PVALEF: variants seen among roughly 807,000 people sequenced by gnomAD.
PVALEF encodes the protein parvalbumin like EF-hand containing.
A neutral mutation model predicts 1.2 loss-of-function variants in PVALEF; 2 were observed. That is an observed-to-expected ratio of 1.68 (90% CI 0.69 to 5.28). The LOEUF (loss-of-function observed/expected upper bound fraction) is 5.28. Among genes scored for constraint, PVALEF ranks in the 30% most tolerant of loss-of-function variants. The pLI, the probability that PVALEF is intolerant of heterozygous loss-of-function variation, is 0.06. For missense variants in PVALEF, 35 were observed against 17.7 expected, an observed-to-expected ratio of 1.97 and a Z score of -1.75; for synonymous variants, 16 against 6.5, an observed-to-expected ratio of 2.47 and a Z score of -2.24.
chr17:81,166,691 GGCAGCCGC>G lies in PVALEF; in HGVS notation c.-492_-485del. 2 of 454,090 alleles carry G rather than the reference GGCAGCCGC, an allele frequency of 4.4e-6. No homozygotes were observed. The highest frequency in any genetic ancestry group is 8.8e-6 in the Non-Finnish European group (2 of 226,666). 28.1% of individuals were successfully genotyped at this position (454,090 alleles called of 1,614,324 possible). ...CTCACTTGCAGGTTTCGAGGCGGCT[GGCAGCCGC>G]CCCCCCACCCCATGCCCTTTGGGTG... On this transcript the variant is annotated 5_prime_UTR_variant, in exon 2 of 7. It introduces an in-frame stop codon into an upstream open reading frame of the 5' UTR. Transcript: ENST00000637878.
rs974273981 is a variant in PVALEF at position 81,182,071 on chromosome 17, C to A, written c.348C>A (p.Ile116=). 2.5e-6 allele frequency: 1 copy of A among 398,704 alleles called. No homozygotes were observed. The highest frequency in any genetic ancestry group is 4.4e-6 in the Non-Finnish European group (1 of 226,124). The allele number at this position is 398,704 out of a possible 1,614,324, so 24.7% of individuals were successfully genotyped here. ...CAGACACACACGGGGACGGGAGGATCAACTACGAAGGTGGGGGCAGCACAG... is the reference window on the plus strand; with the variant it reads ...CAGACACACACGGGGACGGGAGGATAAACTACGAAGGTGGGGGCAGCACAG... ...QAADTHGDGR[I]NYEEFSELIK... Residue 116 remains isoleucine, a synonymous_variant, in exon 6 of 7, where the codon ATC becomes ATA. Transcript: ENST00000637878.
rs779189586 is a variant in PVALEF, at chr17:81,179,071, G to A, written c.-186G>A. ...GCCCCGAGATGTAAACAGGCTTGCA[G>A]GTATAAAAGCTGGAGCCCCTGGGCC... On this transcript the variant is annotated 5_prime_UTR_variant, in exon 3 of 7. Transcript: ENST00000637878. 2.2e-6 allele frequency: 1 copy of A among 454,978 alleles called. No individual in the cohort carries two copies. Among genetic ancestry groups the A allele is most frequent in the South Asian group, 1.6e-5 (1 of 64,316 alleles). 28.2% of individuals were successfully genotyped at this position (454,978 alleles called of 1,614,324 possible).
chr17:81,180,995 C>T (rs1027449461), intron 3 of PVALEF, 128 bp from the exon 4 acceptor site: 8 of 498,742 alleles, frequency 1.6e-5, no homozygotes, highest in Non-Finnish European at 2.9e-5. Flanking sequence ...CACAGGATGG[C>T]CCGGCCCCTC....
At chr17:81,168,612 T>G (rs1555604668) in intron 2 of PVALEF, among the ~76,000 whole-genome samples, 3 of 152,036 alleles carry the variant, frequency 2.0e-5, no homozygotes, top group Non-Finnish European at 4.4e-5. Flanking sequence ...TCCCCCGGCC[T>G]GGGGGAAGGC....
At chr17:81,181,456 G>T (rs547889989) in intron 4 of PVALEF, 103 bp from the exon 5 acceptor site, 12 of 515,496 alleles carry the variant, frequency 2.3e-5, no homozygotes, top group Non-Finnish European at 4.1e-5. Context: ...GCGGGGACAT[G>T]GGGGTGCAGG....
chr17:81,174,772 AC>A (rs1008978902), intron 2 of PVALEF, among the ~76,000 whole-genome samples: 1 of 151,914 alleles, frequency 6.6e-6, no homozygotes, highest in African/African-American at 2.4e-5. Flanking sequence ...ACACAGTGAA[AC>A]CCTGTCTCTA....
rs889885789 is a variant in PVALEF at position 81,165,630 on chromosome 17, C to G, written c.-625C>G. The stretch of plus-strand genomic sequence containing the variant: ...ACCCCCAAGGGCCCTTAGTCTGAGA[C>G]CAACTCTCCTGGACACCAGGGGCCC... On this transcript the variant is annotated 5_prime_UTR_variant, in exon 1 of 7. Coordinates refer to ENST00000637878, the MANE Select transcript of PVALEF (RefSeq NM_001354639.2). The G allele has an allele frequency of 6.8e-7, 1 of 1,460,550 alleles. No individual in the cohort carries two copies. The highest frequency in any genetic ancestry group is 1.4e-5 in the African/African-American group (1 of 71,146). 90.5% of individuals were successfully genotyped at this position (1,460,550 alleles called of 1,614,324 possible).
At chr17:81,168,929 A>T (rs999813663) in intron 2 of PVALEF, among the ~76,000 whole-genome samples, 7 of 152,232 alleles carry the variant, frequency 4.6e-5, no homozygotes, top group Non-Finnish European at 1.0e-4. Flanking sequence ...ATACGATGCA[A>T]TGGTATTGGT....
At chr17:81,177,409 G>A (rs1487832564) in intron 2 of PVALEF, among the ~76,000 whole-genome samples, 4 of 151,876 alleles carry the variant, frequency 2.6e-5, no homozygotes, top group East Asian at 2.0e-4. Context: ...TTAGCCGGGC[G>A]TGGCGGCATG....
intron 3 of PVALEF, among the ~76,000 whole-genome samples, chr17:81,179,502 C>T (rs2061546524): frequency 6.6e-6 from 1 of 152,192 alleles, no homozygotes; most frequent in East Asian, 1.9e-4. Flanking sequence ...GACCTGCTCA[C>T]TCTGTCCCTA....
In PVALEF at chr17:81,165,627, A is replaced by C. The variant is rs772532733; in HGVS notation, c.-628A>C. The C allele has an allele frequency of 2.7e-6, 4 of 1,456,042 alleles. No homozygotes were observed. The highest frequency in any genetic ancestry group is 2.9e-5 in the East Asian group (1 of 34,256). The allele number at this position is 1,456,042 out of a possible 1,614,324, so 90.2% of individuals were successfully genotyped here. A position where few individuals can be genotyped will look rare whatever the true frequency, so the allele number is the denominator to read the frequency against. ...CACACCCCCAAGGGCCCTTAGTCTG[A>C]GACCAACTCTCCTGGACACCAGGGG... is the stretch of plus-strand genomic sequence containing the variant. On this transcript the variant is annotated 5_prime_UTR_variant, in exon 1 of 7. Coordinates refer to ENST00000637878, the MANE Select transcript of PVALEF (RefSeq NM_001354639.2).
In PVALEF at chr17:81,169,291, T is replaced by C. The variant is rs1598246015; in HGVS notation, c.-340+2447T>C. Among the ~76,000 whole-genome samples, 3 of 152,276 alleles carry C rather than the reference T, an allele frequency of 2.0e-5. No individual in the cohort carries two copies. The East Asian group carries it at 5.8e-4, about 29-fold the overall frequency. On this transcript the variant is annotated intron_variant, in intron 2 of 6. Transcript: ENST00000637878. ...AACTTCATGGCATGTGACTTATATC[T>C]CAATAAAATTGTTAAAAACAGTAAT...
At chr17:81,172,278 A>C (rs2061523227) in intron 2 of PVALEF, among the ~76,000 whole-genome samples, 1 of 152,232 alleles carries the variant, frequency 6.6e-6, no homozygotes, top group South Asian at 2.1e-4. Context: ...AACCCCACAC[A>C]GTGGGAAAGC....
At position 81,171,180 on chromosome 17, in the gene PVALEF, T is replaced by C. The variant is rs1218354507; in HGVS notation, c.-340+4336T>C. ...GGCCCTTCCAGGCCGGCGTAGCCCA[T>C]AGTCGGGGCCAGTGACCTGGGGGCA... On this transcript the variant is annotated intron_variant, in intron 2 of 6. Coordinates refer to ENST00000637878, the MANE Select transcript of PVALEF (RefSeq NM_001354639.2). Among the ~76,000 whole-genome samples the C allele has an allele frequency of 5.9e-5, 9 of 152,112 alleles. No individual in the cohort carries two copies. The East Asian group carries it at 1.3e-3, about 23-fold the overall frequency.
chr17:81,181,173 C>A lies in PVALEF; in HGVS notation c.-54C>A, dbSNP rs147623845. The A allele has an allele frequency of 1.0e-3, 714 of 700,290 alleles. 2 individuals are homozygous for A. The highest frequency in any genetic ancestry group is 1.5e-3 in the Non-Finnish European group (571 of 383,472). 43.4% of individuals were successfully genotyped at this position (700,290 alleles called of 1,614,324 possible). On this transcript the variant is annotated 5_prime_UTR_variant, in exon 4 of 7. Coordinates refer to ENST00000637878, the MANE Select transcript of PVALEF (RefSeq NM_001354639.2). ...ACGTCTGCTCTGGCCCAAGCAGCACCCCCAATCCGTGCGTGCACCCCACGA... is the reference window on the plus strand; with the variant it reads ...ACGTCTGCTCTGGCCCAAGCAGCACACCCAATCCGTGCGTGCACCCCACGA...
chr17:81,165,869 G>T, intron 1 of PVALEF, 122 bp downstream of exon 1: 2 of 1,536,446 alleles, frequency 1.3e-6, no homozygotes, highest in Admixed American at 4.1e-5. Context: ...GGGAGCCGTG[G>T]GGCCCAGGGG....
intron 1 of PVALEF, among the ~76,000 whole-genome samples, chr17:81,166,398 AG>A (rs1369840853): frequency 1.2e-4 from 6 of 50,864 alleles, no homozygotes; most frequent in African/African-American, 4.1e-4. Context: ...GGCATGGAGG[AG>A]GGGGGACGGG....
At chr17:81,176,876 G>A (rs1412756638) in intron 2 of PVALEF, among the ~76,000 whole-genome samples, 1 of 151,150 alleles carries the variant, frequency 6.6e-6, no homozygotes, top group Non-Finnish European at 1.5e-5. Context: ...CCATGAACAG[G>A]CAAGTGAATA....
chr17:81,175,168 A>G lies in PVALEF; in HGVS notation c.-339-3750A>G, dbSNP rs151274482. ...GTCCAAAAAAGACAAAAACAATTCCATGTATAGTACCATTGAAAAGAATAA... is the reference window on the plus strand; with the variant it reads ...GTCCAAAAAAGACAAAAACAATTCCGTGTATAGTACCATTGAAAAGAATAA... On this transcript the variant is annotated intron_variant, in intron 2 of 6. Coordinates refer to ENST00000637878, the MANE Select transcript of PVALEF (RefSeq NM_001354639.2). Among the ~76,000 whole-genome samples the G allele has an allele frequency of 6.7e-3, 1,027 of 152,292 alleles. 12 individuals carry two copies. The highest frequency in any genetic ancestry group is 0.024 in the African/African-American group (988 of 41,558).
Sources: gnomAD v4.1 joint callset for allele counts (sites outside exome capture counted in the v4.1 genomes callset) on GRCh38, gnomAD v4.1.1 for gene constraint, MANE v1.5 for transcripts, NCBI Gene and HGNC (gene_info 2026-07-23, HGNC 2026-07-21) for gene names.